The following LVRN variants were observed in gnomAD, a reference collection of about 807,000 sequenced individuals.
The protein encoded by LVRN is laeverin, also known as aminopeptidase Q.
LVRN carries 99 observed loss-of-function variants against 111.4 expected under a neutral mutation model. The ratio of observed to expected loss-of-function variants is 0.89; its 90% CI spans 0.76 to 1.05. LVRN has a LOEUF of 1.05. Ranked by LOEUF, LVRN falls within the 50% of genes least tolerant of loss-of-function variation. The pLI is 0.00. For synonymous variants in LVRN, 488 were observed against 449.5 expected, an observed-to-expected ratio of 1.09 and a Z score of -1.08; for missense variants, 1,414 against 1,206.8, an observed-to-expected ratio of 1.17 and a Z score of -2.54.
At position 115,963,095 on chromosome 5, in the gene LVRN, G is replaced by C. The variant is rs767882475; in HGVS notation, c.478G>C (p.Gly160Arg). 4.3e-6 allele frequency: 7 copies of C among 1,613,514 alleles called. No homozygotes were observed. The highest frequency in any genetic ancestry group is 2.2e-5 in the East Asian group (1 of 44,876). ...GGACTGCGAGCGCGCCGAGGTGCGG[G>C]GACCCCTTTCCCCGGGCACTGGGAA... is the stretch of plus-strand genomic sequence containing the variant. ...FQDCERAEVR[G>R]PLSPGTGNAT... The change falls in exon 1 of 20, where the codon GGA becomes CGA. Residue 160 changes from glycine (G) to arginine (R), a missense_variant. Physicochemically the swap from Gly to Arg is moderately radical, Grantham distance 125 (BLOSUM62 -2). Coordinates refer to ENST00000357872, the MANE Select transcript of LVRN (RefSeq NM_173800.5).
intron 18 of LVRN, among the ~76,000 whole-genome samples, chr5:116,015,970 C>T (rs1232048935): frequency 6.6e-6 from 1 of 152,186 alleles, no homozygotes; most frequent in African/African-American, 2.4e-5. Flanking sequence ...GAACTTTTAA[C>T]TATGGCTTGA....
intron 14 of LVRN, among the ~76,000 whole-genome samples, chr5:116,011,165 A>G (rs1258252138): frequency 6.6e-6 from 1 of 150,658 alleles, no homozygotes; most frequent in Non-Finnish European, 1.5e-5. Context: ...CTAAGAAACC[A>G]GAAGTGGATG....
At chr5:115,969,658 G>A (rs985938410) in intron 1 of LVRN, among the ~76,000 whole-genome samples, 1 of 151,988 alleles carries the variant, frequency 6.6e-6, no homozygotes, top group Non-Finnish European at 1.5e-5. Context: ...AAATTATCCA[G>A]GTGTGGTGGC....
chr5:115,991,612 T>A lies in LVRN; in HGVS notation c.1106-511T>A, dbSNP rs530960437. Among the ~76,000 whole-genome samples the A allele has an allele frequency of 3.3e-5, 5 of 152,320 alleles. No homozygotes were observed. In the East Asian group the frequency reaches 9.6e-4, roughly 29 times the overall value. On this transcript the variant is annotated intron_variant, in intron 4 of 19. Coordinates refer to ENST00000357872, the MANE Select transcript of LVRN (RefSeq NM_173800.5). ...GTCAACCTATAGTGACTGTACCATT[T>A]TGCATCCCCACGAGCAATGAATGAG... is the stretch of plus-strand genomic sequence containing the variant.
chr5:115,962,689 C>T lies in LVRN; in HGVS notation c.72C>T (p.Ala24=), dbSNP rs771657133. Residue 24 remains alanine, a synonymous_variant, in exon 1 of 20, where the codon GCC becomes GCT. Transcript: ENST00000357872. ...CCCTGCTGCTGGCTGGGCTGGTAGC[C>T]GCCCTCCTGCTGGCGCTGGCCGTAC... ...AVALLLAGLV[A]ALLLALAVLA... is the part of the protein sequence containing the mutation. 3 of 1,610,904 alleles carry T rather than the reference C, an allele frequency of 1.9e-6. No homozygotes were observed. Among genetic ancestry groups the T allele is most frequent in the Non-Finnish European group, 2.5e-6 (3 of 1,179,600 alleles).
intron 15 of LVRN, among the ~76,000 whole-genome samples, chr5:116,012,971 T>C (rs1395949896): frequency 1.3e-5 from 2 of 152,090 alleles, no homozygotes; most frequent in African/African-American, 4.8e-5. Context: ...TATTACTGGT[T>C]TGGTGAGGAG....
rs369063629 is a variant in LVRN, at chr5:116,001,067, G to A, written c.1648G>A (p.Ala550Thr). 8 of 1,597,702 alleles carry A rather than the reference G, an allele frequency of 5.0e-6. No homozygotes were observed. The highest frequency in any genetic ancestry group is 4.1e-5 in the African/African-American group (3 of 73,546). The stretch of plus-strand genomic sequence containing the variant: ...CCTTTGTGGTGATTTTTTAAAACAG[G>A]CCATAGATGACCAGAGTACAGTTAT... ...QDDLWRHFQM[A>T]IDDQSTVILP... The change falls in exon 10 of 20, where the codon GCC becomes ACC. Residue 550 changes from alanine (A) to threonine (T), a missense_variant and splice_region_variant. By Grantham distance (58) the Ala-to-Thr change is moderately conservative. Transcript: ENST00000357872.
intron 1 of LVRN, among the ~76,000 whole-genome samples, chr5:115,964,138 C>T (rs1295571490): frequency 6.6e-6 from 1 of 152,220 alleles, no homozygotes; most frequent in Non-Finnish European, 1.5e-5. Flanking sequence ...CGGCGAACTC[C>T]AGGGAAATAG....
At chr5:115,968,065 A>C (rs996970481) in intron 1 of LVRN, among the ~76,000 whole-genome samples, 18 of 152,144 alleles carry the variant, frequency 1.2e-4, no homozygotes, top group Admixed American at 8.5e-4. Context: ...ATTTCAATCT[A>C]TCTGCCATTT....
intron 15 of LVRN, 121 bp downstream of exon 15, chr5:116,012,589 A>T (rs1455470273): frequency 3.3e-6 from 2 of 614,538 alleles, no homozygotes; most frequent in Non-Finnish European, 5.5e-6. Context: ...TGCTATTATT[A>T]TTTGAGAACA....
chr5:115,972,965 G>T (rs1040218410), intron 1 of LVRN, among the ~76,000 whole-genome samples: 2 of 150,876 alleles, frequency 1.3e-5, no homozygotes, highest in Admixed American at 6.6e-5. Context: ...TCTCACTTCT[G>T]GTGCCCAGGC....
intron 1 of LVRN, chr5:115,974,897 T>C (rs1219228045): frequency 4.3e-6 from 2 of 468,284 alleles, no homozygotes; most frequent in East Asian, 5.9e-5. Context: ...TGTATCACCA[T>C]GCAGAGACTC....
At chr5:116,024,372 A>C (rs1414093457) in intron 19 of LVRN, among the ~76,000 whole-genome samples, 1 of 152,158 alleles carries the variant, frequency 6.6e-6, no homozygotes, top group Non-Finnish European at 1.5e-5. Flanking sequence ...TAAAGGCCTG[A>C]AATATGATCC....
At chr5:115,992,071 C>G (rs55991334) in intron 4 of LVRN, 52 bp from the exon 5 acceptor site, 33,246 of 1,499,440 alleles carry the variant, frequency 0.022, 706 homozygotes, top group African/African-American at 0.11. Flanking sequence ...TTAAAAAATC[C>G]CATTTTTTGG....
intron 1 of LVRN, among the ~76,000 whole-genome samples, chr5:115,979,274 C>G (rs1753513545): frequency 6.6e-6 from 1 of 152,132 alleles, no homozygotes; most frequent in African/African-American, 2.4e-5. Context: ...CTTGGCCATA[C>G]CATCAATTTC....
chr5:115,974,285 C>T (rs7712201), intron 1 of LVRN, among the ~76,000 whole-genome samples: 85,431 of 151,942 alleles, frequency 0.56, 24,940 homozygotes, highest in East Asian at 0.74. Flanking sequence ...CATAGGAGGT[C>T]ATACCAATCT....
chr5:115,965,380 G>T (rs909748032), intron 1 of LVRN, among the ~76,000 whole-genome samples: 2 of 152,144 alleles, frequency 1.3e-5, no homozygotes, highest in Non-Finnish European at 2.9e-5. Context: ...CAATGTGAAT[G>T]TTCTTAACAC....
In LVRN at chr5:116,005,945, G is replaced by C. The variant is rs766102479; in HGVS notation, c.2071G>C (p.Asp691His). ...IPVIHRLQLI[D>H]DAFSLSKNNY... Reference sequence around the variant, plus strand: ...TGTTATTCACAGACTGCAGTTGATTGATGATGCCTTTTCCTTGTCTAAGTG... The same window carrying C: ...TGTTATTCACAGACTGCAGTTGATTCATGATGCCTTTTCCTTGTCTAAGTG... Residue 691 changes from aspartate (D) to histidine (H), a missense_variant, in exon 13 of 20, where the codon GAT (aspartate) becomes CAT (histidine). Asp to His is a moderately conservative substitution (Grantham distance 81). Transcript: ENST00000357872. The C allele has an allele frequency of 6.3e-7, 1 of 1,593,662 alleles. No individual in the cohort carries two copies. The highest frequency in any genetic ancestry group is 8.6e-7 in the Non-Finnish European group (1 of 1,161,594).
At chr5:116,005,051 A>C (rs930336429) in intron 12 of LVRN, among the ~76,000 whole-genome samples, 2 of 152,162 alleles carry the variant, frequency 1.3e-5, no homozygotes, top group Non-Finnish European at 2.9e-5. Flanking sequence ...ACCATTGTAG[A>C]TTTACTTATT....
Sources: gnomAD v4.1 joint callset for allele counts (sites outside exome capture counted in the v4.1 genomes callset) on GRCh38, gnomAD v4.1.1 for gene constraint, MANE v1.5 for transcripts, NCBI Gene and HGNC (gene_info 2026-07-23, HGNC 2026-07-21) for gene names.